LYPD3: variants seen among roughly 807,000 people sequenced by gnomAD.
LYPD3 encodes the protein LY6/PLAUR domain containing 3, also known as ly6/PLAUR domain-containing protein 3.
In LYPD3, 22 loss-of-function variants were observed where a neutral mutation model predicts 21.7. The observed-to-expected ratio is 1.01, with a 90% CI of 0.72 to 1.45. The LOEUF is 1.45. Among genes scored for constraint, LYPD3 ranks in the 40% most tolerant of loss-of-function variants. The probability of loss-of-function intolerance (pLI) is 0.00; values close to 1 mark genes in which losing one functional copy is unlikely to be tolerated. For missense variants in LYPD3, 471 were observed against 466.9 expected (o/e 1.01, Z -0.08); for synonymous variants, 179 against 203.0 (o/e 0.88, Z 1.00).
chr19:43,461,939 G>T, intron 4 of LYPD3, 92 bp from the exon 5 acceptor site: 1 of 1,417,124 alleles, frequency 7.1e-7, no homozygotes, highest in Non-Finnish European at 9.6e-7. Context: ...CAAGAACAGA[G>T]AACCTGACCG....
chr19:43,461,233 A>G lies in LYPD3; in HGVS notation c.*118T>C. ...CAGCAGAAGCTGGGGATACTGGGGA[A>G]TGTTGGAAAAACAGGGGCTGGGCCA... On this transcript the variant is annotated 3_prime_UTR_variant, in exon 5 of 5. Transcript: ENST00000244333. 1 of 1,199,464 alleles carries G rather than the reference A, an allele frequency of 8.3e-7. No homozygotes were observed. Among genetic ancestry groups the G allele is most frequent in the South Asian group, 1.6e-5 (1 of 61,140 alleles). 74.3% of individuals were successfully genotyped at this position (1,199,464 alleles called of 1,614,324 possible). A position where few individuals can be genotyped will look rare whatever the true frequency, so the allele number is the denominator to read the frequency against.
Position 43,461,400 on chromosome 19 carries a change from G to T in LYPD3, c.992C>A (p.Ala331Asp). The T allele has an allele frequency of 6.2e-7, 1 of 1,612,210 alleles. No individual in the cohort carries two copies. Among genetic ancestry groups the T allele is most frequent in the Non-Finnish European group, 8.5e-7 (1 of 1,178,530 alleles). ...PHNKGCVAPT[A>D]GLAALLLAVA... is the part of the protein sequence containing the mutation. ...GGCCAACAGAAGGGCTGCCAATCCA[G>T]CTGTGGGAGCCACACAGCCTTTATT... The change falls in exon 5 of 5, where the codon GCT (alanine) becomes GAT (aspartate). Residue 331 changes from alanine to aspartate, a missense_variant. Coordinates refer to ENST00000244333, the MANE Select transcript of LYPD3 (RefSeq NM_014400.3).
chr19:43,464,991 G>A (rs1374669743), intron 1 of LYPD3, among the ~76,000 whole-genome samples: 3 of 143,420 alleles, frequency 2.1e-5, no homozygotes, highest in Non-Finnish European at 4.5e-5. Context: ...GTGCAGTGGC[G>A]CAATCTCGGC....
chr19:43,464,926 C>CTTTTTTTTTTTTTT (rs768875729), intron 1 of LYPD3, among the ~76,000 whole-genome samples: 8 of 97,256 alleles, frequency 8.2e-5, no homozygotes, highest in African/African-American at 8.9e-5. Flanking sequence ...TTCTTTTTTT[C>CTTTTTTTTTTTTTT]TTTTTTTCTT....
chr19:43,463,508 G>T, intron 3 of LYPD3, 91 bp downstream of exon 3: 1 of 1,483,928 alleles, frequency 6.7e-7, no homozygotes, highest in Non-Finnish European at 9.1e-7. Flanking sequence ...AGCCCAGGTC[G>T]AGTACTCCCG....
chr19:43,464,514 G>T (rs1568468072), intron 1 of LYPD3, 58 bp from the exon 2 acceptor site: 3 of 1,608,480 alleles, frequency 1.9e-6, no homozygotes, highest in African/African-American at 1.3e-5. Flanking sequence ...CCACCCCCAA[G>T]GAGAAATAGT....
chr19:43,463,306 G>A lies in LYPD3; in HGVS notation c.383-19C>T. 6.3e-7 allele frequency: 1 copy of A among 1,599,494 alleles called. No individual in the cohort carries two copies. Among genetic ancestry groups the A allele is most frequent in the South Asian group, 1.1e-5 (1 of 91,074 alleles). On this transcript the variant is annotated intron_variant, in intron 3 of 4. Transcript: ENST00000244333. ...TCATTACCTGCGAGGGGAGCCGAGA[G>A]GAAGAAAAGGTGTCGAAAGGGTTCG...
intron 3 of LYPD3, 100 bp from the exon 4 acceptor site, chr19:43,463,387 A>G (rs368843092): frequency 6.9e-7 from 1 of 1,441,044 alleles, no homozygotes. Flanking sequence ...GGCACTATCG[A>G]TGACCCCGCC....
intron 1 of LYPD3, among the ~76,000 whole-genome samples, chr19:43,464,957 G>A (rs1244827131): frequency 1.5e-5 from 2 of 133,564 alleles, no homozygotes; most frequent in Non-Finnish European, 1.6e-5. Flanking sequence ...TTGAGACGGA[G>A]TCTCGCTCTG....
At chr19:43,464,196 G>A (rs1970801615) in intron 2 of LYPD3, 129 bp downstream of exon 2, 5 of 1,269,058 alleles carry the variant, frequency 3.9e-6, no homozygotes, top group Non-Finnish European at 5.4e-6. Flanking sequence ...GTAGGGTCCC[G>A]GCCAGGCTGA....
intron 4 of LYPD3, among the ~76,000 whole-genome samples, chr19:43,462,554 G>A (rs11671504): frequency 0.014 from 2,073 of 152,294 alleles, 25 homozygotes; most frequent in Middle Eastern, 0.027. Context: ...CTACTTGGGA[G>A]GCTGAGGCGG....
chr19:43,461,865 A>C lies in LYPD3; in HGVS notation c.545-18T>G. ...CACATTAGCTGCAGGAAGGAGACAC[A>C]GATAGGTCAGTGGCTGGAGGGAGAG... On this transcript the variant is annotated intron_variant, in intron 4 of 4. Transcript: ENST00000244333. 6.3e-7 allele frequency: 1 copy of C among 1,595,324 alleles called. No homozygotes were observed. Among genetic ancestry groups the C allele is most frequent in the Non-Finnish European group, 8.6e-7 (1 of 1,166,016 alleles).
intron 3 of LYPD3, 87 bp downstream of exon 3, chr19:43,463,512 A>T: frequency 6.7e-7 from 1 of 1,492,194 alleles, no homozygotes; most frequent in Non-Finnish European, 9.1e-7. Context: ...CAGGTCGAGT[A>T]CTCCCGCCTC....
At chr19:43,463,479 A>G in intron 3 of LYPD3, 120 bp downstream of exon 3, 1 of 1,062,500 alleles carries the variant, frequency 9.4e-7, no homozygotes, top group Non-Finnish European at 1.4e-6. Flanking sequence ...GCCCCGCCCC[A>G]GAGTGTGACC....
chr19:43,464,133 C>T (rs1970800992), intron 2 of LYPD3, 192 bp downstream of exon 2: 2 of 802,364 alleles, frequency 2.5e-6, no homozygotes, highest in South Asian at 1.8e-5. Context: ...CAACTCTCTG[C>T]TCCTCGCGCT....
chr19:43,461,720 G>C lies in LYPD3; in HGVS notation c.672C>G (p.Asp224Glu). 4 of 1,614,116 alleles carry C rather than the reference G, an allele frequency of 2.5e-6. No individual in the cohort carries two copies. Among genetic ancestry groups the C allele is most frequent in the Non-Finnish European group, 3.4e-6 (4 of 1,180,004 alleles). The change falls in exon 5 of 5, where the codon GAC (aspartate) becomes GAG (glutamate). Residue 224 changes from aspartate (D) to glutamate (E), a missense_variant. Transcript: ENST00000244333. ...SCCQGSRCNSDLRNKTYFSPR... is the reference protein window; with the variant it reads ...SCCQGSRCNSELRNKTYFSPR... The stretch of plus-strand genomic sequence containing the variant: ...GGGAGAAGTAGGTCTTGTTGCGGAG[G>C]TCAGAGTTACAGCGGGACCCCTGGC...
At chr19:43,462,036 CA>C (rs35056869) in intron 4 of LYPD3, among the ~76,000 whole-genome samples, 189 bp from the exon 5 acceptor site, 44,243 of 141,194 alleles carry the variant, frequency 0.31, 6,534 homozygotes, top group African/African-American at 0.33. Flanking sequence ...CTCTGTCTTG[CA>C]AAAAAAAAAA....
chr19:43,464,272 G>C, intron 2 of LYPD3, 53 bp downstream of exon 2: 1 of 1,550,464 alleles, frequency 6.4e-7, no homozygotes, highest in Non-Finnish European at 8.7e-7. Context: ...AGGAGGCGGG[G>C]CTGGGCCGGA....
At position 43,461,749 on chromosome 19, in the gene LYPD3, A is replaced by G. The variant is rs754046184; in HGVS notation, c.643T>C (p.Cys215Arg). 4.3e-6 allele frequency: 7 copies of G among 1,614,080 alleles called. No individual in the cohort carries two copies. Among genetic ancestry groups the G allele is most frequent in the Non-Finnish European group, 5.9e-6 (7 of 1,180,038 alleles). ...GAGTTACAGCGGGACCCCTGGCAAC[A>G]GGAGCCACTGAGCGTGAACCCTGGG... The part of the protein sequence containing the change: ...TGPGFTLSGS[C>R]CQGSRCNSDL... Residue 215 changes from cysteine (C) to arginine (R), a missense_variant, in exon 5 of 5, where the codon TGT becomes CGT. Transcript: ENST00000244333.
Sources: allele counts gnomAD v4.1 joint callset (sites outside exome capture counted in the v4.1 genomes callset), GRCh38; gene constraint gnomAD v4.1.1; transcripts MANE v1.5; gene names NCBI Gene and HGNC (gene_info 2026-07-23, HGNC 2026-07-21).